Variants in PLAG1 observed in about 807,000 individuals in gnomAD.
PLAG1 encodes the protein PLAG1 zinc finger, also known as zinc finger protein PLAG1.
Under a neutral mutation model 35.5 loss-of-function variants are expected in PLAG1, and 7 were observed. The ratio of observed to expected loss-of-function variants is 0.20; its 90% CI spans 0.11 to 0.37. PLAG1 has a LOEUF of 0.37. Among genes scored for constraint, PLAG1 ranks in the 10% least tolerant of loss-of-function variants. The pLI is 1.00. For missense variants in PLAG1, 454 were observed against 602.8 expected (o/e 0.75, Z 2.58); for synonymous variants, 229 against 225.4 (o/e 1.02, Z -0.14).
intron 1 of PLAG1, among the ~76,000 whole-genome samples, chr8:56,192,472 A>C (rs1266967662): frequency 2.0e-5 from 3 of 152,272 alleles, no homozygotes; most frequent in African/African-American, 7.2e-5. Flanking sequence ...ATACAAGTAC[A>C]TGGGAAACAA....
chr8:56,171,653 A>G (rs1811527834), intron 2 of PLAG1, among the ~76,000 whole-genome samples: 1 of 152,206 alleles, frequency 6.6e-6, no homozygotes, highest in Non-Finnish European at 1.5e-5. Context: ...TGTGCACACT[A>G]GCACAACGGG....
At chr8:56,187,931 T>G (rs1812070470) in intron 1 of PLAG1, among the ~76,000 whole-genome samples, 3 of 152,164 alleles carry the variant, frequency 2.0e-5, no homozygotes, top group Non-Finnish European at 4.4e-5. Context: ...AGTTTGCATG[T>G]TAAATTGAAA....
intron 1 of PLAG1, among the ~76,000 whole-genome samples, chr8:56,194,161 CA>C (rs1269340828): frequency 6.6e-6 from 1 of 151,558 alleles, no homozygotes; most frequent in East Asian, 1.9e-4. Context: ...TAAAAAAATA[CA>C]AAAAATGTGC....
chr8:56,203,632 G>C (rs1036396415), intron 1 of PLAG1, among the ~76,000 whole-genome samples: 10 of 151,986 alleles, frequency 6.6e-5, no homozygotes, highest in Admixed American at 6.5e-4. Flanking sequence ...ACTCCTGTTT[G>C]GTGTGCCTGA....
intron 2 of PLAG1, among the ~76,000 whole-genome samples, chr8:56,178,615 G>C (rs1811776429): frequency 6.6e-6 from 1 of 152,036 alleles, no homozygotes; most frequent in African/African-American, 2.4e-5. Flanking sequence ...GTGAAACCCT[G>C]CCCAAGGCCT....
rs562764334 is a variant in PLAG1, at chr8:56,176,205, A to G, written c.-217+3204T>C. Reference sequence around the variant, plus strand: ...GCTGGGATTACAGGCATGTACCATCATACCCGGCTAATTTTTTGTTATCTT... The same window carrying G: ...GCTGGGATTACAGGCATGTACCATCGTACCCGGCTAATTTTTTGTTATCTT... On this transcript the variant is annotated intron_variant, in intron 2 of 4. Coordinates refer to ENST00000316981, the MANE Select transcript of PLAG1 (RefSeq NM_002655.3). 2.2e-4 allele frequency among the ~76,000 whole-genome samples: 33 copies of G among 152,132 alleles called. No homozygotes were observed. The South Asian group carries it at 6.4e-3, about 30-fold the overall frequency.
chr8:56,197,896 G>A (rs1216798105), intron 1 of PLAG1, among the ~76,000 whole-genome samples: 1 of 152,154 alleles, frequency 6.6e-6, no homozygotes, highest in Admixed American at 6.5e-5. Context: ...AGGGTGGGTA[G>A]GGAGCAGCAG....
At chr8:56,191,459 T>C (rs1318921144) in intron 1 of PLAG1, among the ~76,000 whole-genome samples, 2 of 152,212 alleles carry the variant, frequency 1.3e-5, no homozygotes, top group Admixed American at 6.5e-5. Flanking sequence ...CAGACAATGA[T>C]GCGACTTTAC....
chr8:56,166,978 G>A lies in PLAG1; in HGVS notation c.768C>T (p.Cys256=), dbSNP rs1263769065. Residue 256 remains cysteine (C), a synonymous_variant, in exon 5 of 5, where the codon TGC becomes TGT. Coordinates refer to ENST00000316981, the MANE Select transcript of PLAG1 (RefSeq NM_002655.3). ...CGTCTTTTATAGGCACAGACACATT[G>A]CAGGTAAATGGGTCAAGGAAATCCA... ...EPVDFLDPFT[C]NVSVPIKDEL... 5.6e-6 allele frequency: 9 copies of A among 1,613,924 alleles called. No individual in the cohort carries two copies. The African/African-American group carries it at 1.1e-4, about 19-fold the overall frequency.
At chr8:56,178,054 A>G in intron 2 of PLAG1, 1 of 960,076 alleles carries the variant, frequency 1.0e-6, no homozygotes, top group Non-Finnish European at 1.2e-6. Context: ...GTCCTGTTCC[A>G]TAGCTCCTTA....
At chr8:56,184,595 G>A (rs989029478) in intron 1 of PLAG1, among the ~76,000 whole-genome samples, 2 of 152,144 alleles carry the variant, frequency 1.3e-5, no homozygotes, top group African/African-American at 2.4e-5. Context: ...CTATCCTTGT[G>A]TGAATGGATA....
intron 2 of PLAG1, among the ~76,000 whole-genome samples, 182 bp downstream of exon 2, chr8:56,179,227 C>T (rs570635521): frequency 2.0e-5 from 3 of 152,112 alleles, no homozygotes; most frequent in African/African-American, 4.8e-5. Flanking sequence ...GCCTCCCATT[C>T]GACCATAATT....
chr8:56,199,090 G>C (rs1296212417), intron 1 of PLAG1, among the ~76,000 whole-genome samples: 1 of 152,228 alleles, frequency 6.6e-6, no homozygotes, highest in African/African-American at 2.4e-5. Context: ...GCAGGAGTGG[G>C]AACGGGTGCT....
chr8:56,166,196 G>A lies in PLAG1; in HGVS notation c.*47C>T. Reference sequence around the variant, plus strand: ...CACTAAAATAAAAATGGTCATCTAGGGCACAGCTACACATACATTTCTGTA... The same window carrying A: ...CACTAAAATAAAAATGGTCATCTAGAGCACAGCTACACATACATTTCTGTA... On this transcript the variant is annotated 3_prime_UTR_variant, in exon 5 of 5. Coordinates refer to ENST00000316981, the MANE Select transcript of PLAG1 (RefSeq NM_002655.3). The A allele has an allele frequency of 1.2e-5, 17 of 1,363,228 alleles. No individual in the cohort carries two copies. The highest frequency in any genetic ancestry group is 1.7e-5 in the Non-Finnish European group (17 of 1,002,600). The allele number at this position is 1,363,228 out of a possible 1,614,324, so 84.4% of individuals were successfully genotyped here. A position where few individuals can be genotyped will look rare whatever the true frequency, so the allele number is the denominator to read the frequency against.
chr8:56,205,985 C>T (rs1003702196), intron 1 of PLAG1, among the ~76,000 whole-genome samples: 1 of 151,812 alleles, frequency 6.6e-6, no homozygotes, highest in South Asian at 2.1e-4. Flanking sequence ...CTTTTAAATA[C>T]TAACAATTTT....
At chr8:56,201,973 T>G (rs1418029896) in intron 1 of PLAG1, among the ~76,000 whole-genome samples, 12 of 151,458 alleles carry the variant, frequency 7.9e-5, no homozygotes, top group South Asian at 4.1e-4. Context: ...TTTTTTTTTT[T>G]TTGTTTTTAC....
intron 1 of PLAG1, among the ~76,000 whole-genome samples, chr8:56,185,001 A>G (rs965489232): frequency 2.0e-5 from 3 of 152,212 alleles, no homozygotes; most frequent in Non-Finnish European, 4.4e-5. Context: ...GTATATTCCT[A>G]TAATGGGCTA....
chr8:56,176,046 C>CTTTTTTTT (rs1309523141), intron 2 of PLAG1, among the ~76,000 whole-genome samples: 10 of 130,100 alleles, frequency 7.7e-5, no homozygotes, highest in South Asian at 2.4e-4. Context: ...TTTTCCTTTT[C>CTTTTTTTT]TTTTTTTTTT....
rs1811279404 is a variant in PLAG1, at chr8:56,163,863, G to A, written c.*2380C>T. On this transcript the variant is annotated 3_prime_UTR_variant, in exon 5 of 5. Coordinates refer to ENST00000316981, the MANE Select transcript of PLAG1 (RefSeq NM_002655.3). ...TTAAGTACATTTTAAACAGAATAAA[G>A]TAGTGCTTCCACACTTGCTATTTGT... The A allele has an allele frequency of 5.4e-6, 1 of 185,516 alleles. No individual in the cohort carries two copies. Among genetic ancestry groups the A allele is most frequent in the Admixed American group, 6.2e-5 (1 of 16,050 alleles). The allele number at this position is 185,516 out of a possible 1,614,324, so 11.5% of individuals were successfully genotyped here. A position where few individuals can be genotyped will look rare whatever the true frequency, so the allele number is the denominator to read the frequency against.
Sources: allele counts gnomAD v4.1 joint callset (sites outside exome capture counted in the v4.1 genomes callset), GRCh38; gene constraint gnomAD v4.1.1; transcripts MANE v1.5; gene names NCBI Gene and HGNC (gene_info 2026-07-23, HGNC 2026-07-21).